ARNT2: variants seen among roughly 807,000 people sequenced by gnomAD.
ARNT2 encodes the protein aryl hydrocarbon receptor nuclear translocator 2.
ARNT2 carries 36 observed loss-of-function variants against 91.7 expected under a neutral mutation model. That is an observed-to-expected ratio of 0.39 (90% CI 0.30 to 0.52). The LOEUF (loss-of-function observed/expected upper bound fraction) is 0.52, where lower values mean the gene tolerates loss of function less well. ARNT2 is among the 20% of genes least tolerant of loss of function. ARNT2 has a pLI of 0.72. For missense variants in ARNT2, 775 were observed against 939.3 expected (o/e 0.83, Z 2.29); for synonymous variants, 365 against 347.1 (o/e 1.05, Z -0.57).
intron 5 of ARNT2, among the ~76,000 whole-genome samples, chr15:80,506,346 T>C (rs1179627656): frequency 6.6e-6 from 1 of 152,192 alleles, no homozygotes; most frequent in Admixed American, 6.5e-5. Context: ...TGGACCCAAT[T>C]CCAACAAGGA....
chr15:80,423,495 T>C (rs547371520), intron 1 of ARNT2, among the ~76,000 whole-genome samples: 1 of 152,358 alleles, frequency 6.6e-6, no homozygotes, highest in South Asian at 2.1e-4. Context: ...CATGTGTATA[T>C]ATATATACTT....
At chr15:80,577,052 G>A (rs1898689829) in intron 15 of ARNT2, 87 bp downstream of exon 15, 2 of 1,325,652 alleles carry the variant, frequency 1.5e-6, no homozygotes, top group Admixed American at 1.8e-5. Context: ...TCTGTGGGCT[G>A]TAAGCATGAG....
chr15:80,578,379 G>C (rs760147072), intron 15 of ARNT2, among the ~76,000 whole-genome samples: 43 of 152,096 alleles, frequency 2.8e-4, no homozygotes, highest in Middle Eastern at 3.4e-3. Flanking sequence ...GTTGGAGGAG[G>C]CCTCACTAAT....
chr15:80,414,415 A>G (rs1895747478), intron 1 of ARNT2, among the ~76,000 whole-genome samples: 1 of 152,222 alleles, frequency 6.6e-6, no homozygotes, highest in Admixed American at 6.5e-5. Flanking sequence ...GACAGTGGCA[A>G]CTAGAAGAAA....
intron 5 of ARNT2, among the ~76,000 whole-genome samples, chr15:80,486,789 G>C (rs551703313): frequency 2.6e-5 from 4 of 152,318 alleles, no homozygotes; most frequent in African/African-American, 9.6e-5. Context: ...CCTATGCAGT[G>C]AGTCAGCAGA....
At chr15:80,573,315 A>C (rs903327504) in intron 12 of ARNT2, among the ~76,000 whole-genome samples, 1 of 152,176 alleles carries the variant, frequency 6.6e-6, no homozygotes, top group East Asian at 1.9e-4. Flanking sequence ...CATACAGTAC[A>C]TGTATATTTG....
intron 3 of ARNT2, among the ~76,000 whole-genome samples, chr15:80,467,559 G>A (rs1218223771): frequency 6.6e-6 from 1 of 152,166 alleles, no homozygotes; most frequent in East Asian, 1.9e-4. Context: ...GGTGTCTGGC[G>A]GGCAAGTGCG....
rs1268138091 is a variant in ARNT2, at chr15:80,580,480, C to T, written c.1683C>T (p.Ser561=). 2 of 1,614,034 alleles carry T rather than the reference C, an allele frequency of 1.2e-6. No individual in the cohort carries two copies. The highest frequency in any genetic ancestry group is 2.7e-5 in the African/African-American group (2 of 74,898). The change falls in exon 16 of 19, where the codon TCC becomes TCT. Residue 561 remains serine, a synonymous_variant. Transcript: ENST00000303329. ...QSSSSTGQNM[S]QISRQLNQSQ... ...CTTCTTCCACGGGCCAGAACATGTC[C>T]CAAATCTCCCGGCAGCTAAACCAGA...
chr15:80,423,908 G>C (rs554945951), intron 1 of ARNT2, among the ~76,000 whole-genome samples: 9 of 152,262 alleles, frequency 5.9e-5, no homozygotes, highest in Non-Finnish European at 1.2e-4. Flanking sequence ...GGGATATCCA[G>C]GCAAGCGTTT....
chr15:80,534,432 C>G (rs932818390), intron 8 of ARNT2, among the ~76,000 whole-genome samples: 1 of 152,058 alleles, frequency 6.6e-6, no homozygotes, highest in African/African-American at 2.4e-5. Flanking sequence ...GTAAACTGAA[C>G]TTGCTTTTAA....
intron 8 of ARNT2, among the ~76,000 whole-genome samples, chr15:80,521,873 A>T (rs1054664251): frequency 2.6e-5 from 4 of 152,134 alleles, no homozygotes; most frequent in Admixed American, 2.6e-4. Context: ...TAGTATTAGG[A>T]TAATGATCCA....
At chr15:80,428,644 G>T (rs1045540789) in intron 1 of ARNT2, among the ~76,000 whole-genome samples, 85 of 152,340 alleles carry the variant, frequency 5.6e-4, no homozygotes, top group African/African-American at 2.0e-3. Flanking sequence ...TGGCACAGGA[G>T]TTTTTGGAGC....
chr15:80,533,615 G>T (rs1248488435), intron 8 of ARNT2, among the ~76,000 whole-genome samples: 3 of 152,228 alleles, frequency 2.0e-5, no homozygotes, highest in African/African-American at 7.2e-5. Context: ...AGCCAATGAA[G>T]CATGTCATGG....
intron 18 of ARNT2, among the ~76,000 whole-genome samples, chr15:80,592,562 AC>A (rs1399534951): frequency 6.6e-6 from 1 of 151,862 alleles, no homozygotes; most frequent in Admixed American, 6.6e-5. Flanking sequence ...TGCTCCATAT[AC>A]CCCACCCTCA....
At chr15:80,573,995 G>T (rs563913426) in intron 12 of ARNT2, 153 bp from the exon 13 acceptor site, 1 of 622,972 alleles carries the variant, frequency 1.6e-6, no homozygotes, top group Admixed American at 2.7e-5. Flanking sequence ...TTGATTTAGG[G>T]CATTAAAAAT....
chr15:80,530,325 C>G (rs748042931), intron 8 of ARNT2, among the ~76,000 whole-genome samples: 1 of 152,132 alleles, frequency 6.6e-6, no homozygotes, highest in Non-Finnish European at 1.5e-5. Context: ...ACAAACACCC[C>G]CTGTAGTGAG....
chr15:80,549,571 AT>A (rs1898048105), intron 8 of ARNT2, among the ~76,000 whole-genome samples: 1 of 152,246 alleles, frequency 6.6e-6, no homozygotes. Context: ...AAAACAAGAT[AT>A]AAAAAATGAT....
intron 11 of ARNT2, chr15:80,555,854 A>G (rs1017251519): frequency 2.6e-5 from 4 of 152,100 alleles, no homozygotes; most frequent in African/African-American, 7.3e-5. Flanking sequence ...AGACCCAGCT[A>G]GTTGGGAGGC....
chr15:80,441,918 C>T (rs911996844), intron 1 of ARNT2, among the ~76,000 whole-genome samples: 1 of 152,216 alleles, frequency 6.6e-6, no homozygotes, highest in Non-Finnish European at 1.5e-5. Context: ...AGCAGACAGT[C>T]ATTTCCCCTC....
Sources: allele counts gnomAD v4.1 joint callset (sites outside exome capture counted in the v4.1 genomes callset), GRCh38; gene constraint gnomAD v4.1.1; transcripts MANE v1.5; gene names NCBI Gene and HGNC (gene_info 2026-07-23, HGNC 2026-07-21).